Variants in CPED1 observed in about 807,000 individuals in gnomAD.
CPED1 encodes the protein cadherin like and PC-esterase domain containing 1, also known as cadherin-like and PC-esterase domain-containing protein 1.
CPED1 carries 114 observed loss-of-function variants against 128.2 expected under a neutral mutation model. That is an observed-to-expected ratio of 0.89 (90% CI 0.76 to 1.04). The LOEUF (loss-of-function observed/expected upper bound fraction) is 1.04, where lower values mean the gene tolerates loss of function less well. CPED1 is among the 50% of genes least tolerant of loss of function. The pLI, the probability that CPED1 is intolerant of heterozygous loss-of-function variation, is 0.00. For synonymous variants in CPED1, 462 were observed against 426.7 expected (o/e 1.08, Z -1.02); for missense variants, 1,211 against 1,207.1 (o/e 1.00, Z -0.05).
rs572915255 is a variant in CPED1, at chr7:121,130,399, A to G, written c.1577+105A>G. Reference sequence around the variant, plus strand: ...TTAAAGCAAGCAGCAACAACAAAAAAGTGTGTCCAAATTTCCATGCTCAGG... The same window carrying G: ...TTAAAGCAAGCAGCAACAACAAAAAGGTGTGTCCAAATTTCCATGCTCAGG... On this transcript the variant is annotated intron_variant, in intron 12 of 22. Coordinates refer to ENST00000310396, the MANE Select transcript of CPED1 (RefSeq NM_024913.5). The G allele has an allele frequency of 1.9e-5, 16 of 838,166 alleles. No individual in the cohort carries two copies. In the East Asian group the frequency reaches 4.4e-4, roughly 23 times the overall value. 51.9% of individuals were successfully genotyped at this position (838,166 alleles called of 1,614,324 possible).
Position 121,140,952 on chromosome 7 carries a change from A to G in CPED1, c.1825A>G (p.Ile609Val). The change falls in exon 15 of 23, where the codon ATT (isoleucine) becomes GTT (valine). Residue 609 changes from isoleucine to valine, a missense_variant. By Grantham distance (29) the Ile-to-Val change is conservative (BLOSUM62 3). Transcript: ENST00000310396. ...EVPFDVVTVT[I>V]GVETPKCLCK... is the part of the protein sequence containing the mutation. ...CCCATTTGATGTGGTAACAGTGACA[A>G]TTGGAGTGGAAACTCCTAAGTGTCT... is the stretch of plus-strand genomic sequence containing the variant. 6.2e-7 allele frequency: 1 copy of G among 1,612,650 alleles called. No homozygotes were observed. Among genetic ancestry groups the G allele is most frequent in the Non-Finnish European group, 8.5e-7 (1 of 1,179,194 alleles).
chr7:121,277,570 C>G (rs1562860271), intron 22 of CPED1, among the ~76,000 whole-genome samples: 1 of 152,052 alleles, frequency 6.6e-6, no homozygotes, highest in Non-Finnish European at 1.5e-5. Flanking sequence ...TCATCGACAA[C>G]CCACCTCTTC....
Position 121,206,804 on chromosome 7 carries a change from TA to T in CPED1, c.2056-29902del, listed in dbSNP as rs969293576. Among the ~76,000 whole-genome samples the T allele has an allele frequency of 6.2e-4, 94 of 151,726 alleles. 1 individual carries two copies. Among genetic ancestry groups the T allele is most frequent in the African/African-American group, 2.1e-3 (88 of 41,454 alleles). On this transcript the variant is annotated intron_variant, in intron 16 of 22. Coordinates refer to ENST00000310396, the MANE Select transcript of CPED1 (RefSeq NM_024913.5). ...ACAAATTACTCATAATCCCACCACTTAAAAAAAACATGTAAAATGCCTAGTG... is the reference window on the plus strand; with the variant it reads ...ACAAATTACTCATAATCCCACCACTTAAAAAAACATGTAAAATGCCTAGTG...
At chr7:121,014,510 A>C (rs1792248456) in intron 2 of CPED1, among the ~76,000 whole-genome samples, 1 of 149,610 alleles carries the variant, frequency 6.7e-6, no homozygotes, top group Non-Finnish European at 1.5e-5. Context: ...AGATTGCACC[A>C]CTGCACTCCA....
At chr7:120,998,501 T>C (rs1290444014) in intron 2 of CPED1, among the ~76,000 whole-genome samples, 2 of 152,098 alleles carry the variant, frequency 1.3e-5, no homozygotes, top group Non-Finnish European at 2.9e-5. Context: ...TCAATAAATA[T>C]TAACTATGAA....
chr7:121,007,711 T>C (rs1330663959), intron 2 of CPED1, among the ~76,000 whole-genome samples: 1 of 152,208 alleles, frequency 6.6e-6, no homozygotes, highest in African/African-American at 2.4e-5. Context: ...CCTGAAATTT[T>C]CTCTCCAATA....
intron 16 of CPED1, among the ~76,000 whole-genome samples, chr7:121,227,265 T>C (rs187777389): frequency 1.3e-3 from 204 of 152,140 alleles, no homozygotes; most frequent in Middle Eastern, 3.4e-3. Flanking sequence ...CATCCGTTTC[T>C]TCTCCTTCCA....
At chr7:121,225,016 A>G (rs1418192892) in intron 16 of CPED1, among the ~76,000 whole-genome samples, 1 of 152,164 alleles carries the variant, frequency 6.6e-6, no homozygotes, top group East Asian at 1.9e-4. Flanking sequence ...GCCTGTCATT[A>G]TGATGTTAGC....
At position 121,266,737 on chromosome 7, in the gene CPED1, T is replaced by C. The variant is rs763244117; in HGVS notation, c.2562T>C (p.Thr854=). 26 of 1,612,810 alleles carry C rather than the reference T, an allele frequency of 1.6e-5. No homozygotes were observed. The highest frequency in any genetic ancestry group is 2.1e-5 in the Non-Finnish European group (25 of 1,179,204). Residue 854 remains threonine (T), a synonymous_variant, in exon 20 of 23, where the codon ACT becomes ACC. Transcript: ENST00000310396. The part of the protein sequence containing the change: ...RSRPLENTGQ[T]VLVVGGVQWL... Reference sequence around the variant, plus strand: ...GTCCCCTAGAGAATACTGGCCAGACTGTATTGGTTGTTGGTGGTGTTCAGT... The same window carrying C: ...GTCCCCTAGAGAATACTGGCCAGACCGTATTGGTTGTTGGTGGTGTTCAGT...
chr7:121,078,412 A>G (rs558658653), intron 5 of CPED1, among the ~76,000 whole-genome samples: 1 of 150,938 alleles, frequency 6.6e-6, no homozygotes, highest in South Asian at 2.1e-4. Context: ...GAAGTAAACG[A>G]CTTTTCTAGG....
At chr7:121,016,374 G>T (rs1792301094) in intron 3 of CPED1, among the ~76,000 whole-genome samples, 1 of 152,156 alleles carries the variant, frequency 6.6e-6, no homozygotes, top group South Asian at 2.1e-4. Context: ...TATTTGCAAA[G>T]AAAGTTGAGT....
chr7:121,080,072 C>T (rs1408400916), intron 5 of CPED1, among the ~76,000 whole-genome samples: 1 of 152,104 alleles, frequency 6.6e-6, no homozygotes, highest in East Asian at 1.9e-4. Flanking sequence ...CTGTATAATA[C>T]CAAAACAGCT....
intron 4 of CPED1, among the ~76,000 whole-genome samples, chr7:121,056,454 T>C (rs1481005000): frequency 6.6e-6 from 1 of 152,228 alleles, no homozygotes; most frequent in Non-Finnish European, 1.5e-5. Flanking sequence ...CATTTAAGTA[T>C]GCTAGTTGTG....
chr7:121,099,794 A>G, intron 6 of CPED1, 132 bp from the exon 7 acceptor site: 1 of 878,108 alleles, frequency 1.1e-6, no homozygotes, highest in Non-Finnish European at 1.7e-6. Flanking sequence ...GAAATTGTTC[A>G]AGGAAACCCA....
intron 13 of CPED1, 58 bp from the exon 14 acceptor site, chr7:121,135,982 A>AT: frequency 7.7e-7 from 1 of 1,304,850 alleles, no homozygotes; most frequent in Non-Finnish European, 1.0e-6. Context: ...CTAAATGTAT[A>AT]TTTTAACATT....
chr7:121,283,601 A>G (rs373721359), intron 22 of CPED1, among the ~76,000 whole-genome samples: 31 of 152,282 alleles, frequency 2.0e-4, no homozygotes, highest in Middle Eastern at 3.4e-3. Context: ...TCTGTTCCTC[A>G]TCTGCTCATG....
chr7:121,064,123 T>C, intron 4 of CPED1, 115 bp from the exon 5 acceptor site: 1 of 652,946 alleles, frequency 1.5e-6, no homozygotes, highest in Non-Finnish European at 2.8e-6. Flanking sequence ...AGGTGGGGTG[T>C]GGGTGGTTTA....
intron 3 of CPED1, among the ~76,000 whole-genome samples, chr7:121,032,761 A>G (rs1792770502): frequency 6.6e-6 from 1 of 152,214 alleles, no homozygotes; most frequent in Admixed American, 6.5e-5. Flanking sequence ...AGGTGTAGGA[A>G]TGATGCAGTT....
At chr7:121,291,736 T>C (rs1439700444) in intron 22 of CPED1, among the ~76,000 whole-genome samples, 1 of 152,238 alleles carries the variant, frequency 6.6e-6, no homozygotes, top group Non-Finnish European at 1.5e-5. Context: ...TACACTCATG[T>C]CATCAGCAAA....
Sources: allele counts gnomAD v4.1 joint callset (sites outside exome capture counted in the v4.1 genomes callset), GRCh38; gene constraint gnomAD v4.1.1; transcripts MANE v1.5; gene names NCBI Gene and HGNC (gene_info 2026-07-23, HGNC 2026-07-21).